Variants in BCAS3 observed in about 807,000 individuals in gnomAD.
The protein encoded by BCAS3 is BCAS4/BCAS3 fusion.
Under a neutral mutation model 116.1 loss-of-function variants are expected in BCAS3, and 53 were observed. The ratio of observed to expected loss-of-function variants is 0.46; its 90% confidence interval spans 0.37 to 0.57. BCAS3 has a LOEUF of 0.57. Ranked by LOEUF, BCAS3 falls within the 20% of genes least tolerant of loss-of-function variation. The pLI, the probability that BCAS3 is intolerant of heterozygous loss-of-function variation, is 0.00. For synonymous variants in BCAS3, 391 were observed against 408.2 expected (o/e 0.96, Z 0.51); for missense variants, 917 against 1,165.4 (o/e 0.79, Z 3.10).
In BCAS3 at chr17:61,034,945, T is replaced by C. The variant is rs16944768; in HGVS notation, c.1762+155T>C. ...ATGTCACTTCTCAACTACTCAAGCC[T>C]AGTCAAGAAGAAAAACTATCCTCTC... is the stretch of plus-strand genomic sequence containing the variant. On this transcript the variant is annotated intron_variant, in intron 17 of 23. Coordinates refer to ENST00000407086, the MANE Select transcript of BCAS3 (RefSeq NM_017679.5). The surrounding 1 kb of genome is among the most constrained non-coding windows in gnomAD (Gnocchi z 5.0). Among the ~76,000 whole-genome samples the C allele has an allele frequency of 0.1, 15,559 of 152,154 alleles. 2,411 individuals are homozygous for C. The highest frequency in any genetic ancestry group is 0.34 in the African/African-American group (14,044 of 41,402).
intron 6 of BCAS3, among the ~76,000 whole-genome samples, chr17:60,769,815 C>T (rs1034669322): frequency 7.9e-5 from 12 of 151,904 alleles, no homozygotes; most frequent in African/African-American, 2.9e-4. Context: ...CACCCTTTCG[C>T]CCAGGCTGGA....
chr17:61,126,239 C>T lies in BCAS3; in HGVS notation c.2425+41675C>T, dbSNP rs2076039597. On this transcript the variant is annotated intron_variant, in intron 22 of 23. Transcript: ENST00000407086. This position sits in a 1 kb window ranked among gnomAD's most constrained non-coding sequence, Gnocchi z 4.6. ...GTTTAATTCATTAGAATTGTGTGTG[C>T]GTTGTGGCATGTGGGTACATCAGAA... is the stretch of plus-strand genomic sequence containing the variant. 6.6e-6 allele frequency among the ~76,000 whole-genome samples: 1 copy of T among 152,006 alleles called. No individual in the cohort carries two copies. Among genetic ancestry groups the T allele is most frequent in the South Asian group, 2.1e-4 (1 of 4,834 alleles).
intron 22 of BCAS3, among the ~76,000 whole-genome samples, chr17:61,187,521 C>T (rs897079194): frequency 3.5e-4 from 53 of 152,212 alleles, no homozygotes; most frequent in African/African-American, 1.1e-3. Context: ...CAGTTTTACC[C>T]CCTTACCTTC....
At chr17:60,831,472 G>A (rs118149989) in intron 7 of BCAS3, among the ~76,000 whole-genome samples, 5 of 152,244 alleles carry the variant, frequency 3.3e-5, no homozygotes, top group East Asian at 1.9e-4. Context: ...CCACTGCACC[G>A]ACCTATGTTA....
intron 22 of BCAS3, among the ~76,000 whole-genome samples, chr17:61,250,124 C>A (rs1259955095): frequency 1.3e-5 from 2 of 152,182 alleles, no homozygotes; most frequent in East Asian, 3.9e-4. Context: ...AGTTCATACC[C>A]TGGGCCCAGT....
At position 61,365,735 on chromosome 17, in the gene BCAS3, A is replaced by G. The variant is rs1473453651; in HGVS notation, c.2426-2592A>G. On this transcript the variant is annotated intron_variant, in intron 22 of 23. Transcript: ENST00000407086. The surrounding 1 kb of genome is among the most constrained non-coding windows in gnomAD (Gnocchi z 4.6). Reference sequence around the variant, plus strand: ...GACCTCTGAACACAGTAATGCAAACATTAACTGAGCTCCTTTCTAGAGACA... The same window carrying G: ...GACCTCTGAACACAGTAATGCAAACGTTAACTGAGCTCCTTTCTAGAGACA... Among the ~76,000 whole-genome samples the G allele has an allele frequency of 6.6e-6, 1 of 152,212 alleles. No homozygotes were observed. Among genetic ancestry groups the G allele is most frequent in the Non-Finnish European group, 1.5e-5 (1 of 68,032 alleles).
intron 19 of BCAS3, among the ~76,000 whole-genome samples, chr17:61,067,553 C>T (rs1776440394): frequency 6.7e-6 from 1 of 149,064 alleles, no homozygotes; most frequent in Admixed American, 6.7e-5. Flanking sequence ...CCCACCTCTA[C>T]TAAAAATACA....
chr17:61,164,354 C>A (rs1055159638), intron 22 of BCAS3, among the ~76,000 whole-genome samples: 10 of 151,950 alleles, frequency 6.6e-5, no homozygotes, highest in African/African-American at 2.4e-4. Flanking sequence ...GAGGTGGGAC[C>A]TTTAAGAGGT....
chr17:60,787,419 A>G (rs551049676), intron 6 of BCAS3, among the ~76,000 whole-genome samples: 1 of 152,266 alleles, frequency 6.6e-6, no homozygotes, highest in Admixed American at 6.5e-5. Context: ...AGTATATTTC[A>G]TTATATGAAT....
intron 23 of BCAS3, among the ~76,000 whole-genome samples, chr17:61,386,957 T>C (rs1315634787): frequency 1.3e-5 from 2 of 152,192 alleles, no homozygotes; most frequent in Non-Finnish European, 2.9e-5. Flanking sequence ...CTTTTAATTT[T>C]TGGACACGGT....
chr17:61,009,984 G>A (rs527705256), intron 15 of BCAS3, among the ~76,000 whole-genome samples: 3 of 151,646 alleles, frequency 2.0e-5, no homozygotes, highest in East Asian at 3.9e-4. Flanking sequence ...TTTCCTTGTA[G>A]CATCTGTGTT....
In BCAS3 at chr17:61,124,375, A is replaced by G. The variant is rs1015148515; in HGVS notation, c.2425+39811A>G. ...TTACTTGATCTGAATTTGTCAGTCT[A>G]TAAAAGTAGGGATTATAATATAACA... is the stretch of plus-strand genomic sequence containing the variant. On this transcript the variant is annotated intron_variant, in intron 22 of 23. Coordinates refer to ENST00000407086, the MANE Select transcript of BCAS3 (RefSeq NM_017679.5). The surrounding 1 kb of genome is among the most constrained non-coding windows in gnomAD (Gnocchi z 4.6). Among the ~76,000 whole-genome samples the G allele has an allele frequency of 3.3e-5, 5 of 152,088 alleles. No homozygotes were observed. Among genetic ancestry groups the G allele is most frequent in the African/African-American group, 4.8e-5 (2 of 41,418 alleles).
chr17:61,208,976 CTGGT>C lies in BCAS3; in HGVS notation c.2425+124418_2425+124421del, dbSNP rs200809139. Among the ~76,000 whole-genome samples the C allele has an allele frequency of 4.9e-3, 743 of 152,130 alleles. 18 individuals carry two copies. Among genetic ancestry groups the C allele is most frequent in the Admixed American group, 0.034 (525 of 15,270 alleles). On this transcript the variant is annotated intron_variant, in intron 22 of 23. Coordinates refer to ENST00000407086, the MANE Select transcript of BCAS3 (RefSeq NM_017679.5). This position sits in a 1 kb window ranked among gnomAD's most constrained non-coding sequence, Gnocchi z 4.5. ...GCAAAAGACACTCAGAATTATACCT[CTGGT>C]TGGTTCAAAATTGCTTAAATGTTGA...
At chr17:60,918,257 G>C (rs2058877059) in intron 12 of BCAS3, among the ~76,000 whole-genome samples, 1 of 152,122 alleles carries the variant, frequency 6.6e-6, no homozygotes, top group Non-Finnish European at 1.5e-5. Context: ...AAGGAATAGT[G>C]ATGTTAAGCC....
At chr17:60,764,462 T>C (rs1478720471) in intron 6 of BCAS3, among the ~76,000 whole-genome samples, 1 of 152,228 alleles carries the variant, frequency 6.6e-6, no homozygotes, top group African/African-American at 2.4e-5. Context: ...TACCCAGTAG[T>C]CATTCAGGAG....
Position 60,820,156 on chromosome 17 carries a change from T to C in BCAS3, c.476+12080T>C, listed in dbSNP as rs1354833889. ...CACGATCTTGGCTCACTGCAAGCTC[T>C]GCCTCCCGGGTTCATGCCATTCTGC... On this transcript the variant is annotated intron_variant, in intron 7 of 23. Coordinates refer to ENST00000407086, the MANE Select transcript of BCAS3 (RefSeq NM_017679.5). Among the ~76,000 whole-genome samples, 7 of 151,878 alleles carry C rather than the reference T, an allele frequency of 4.6e-5. No homozygotes were observed. The East Asian group carries it at 7.7e-4, about 17-fold the overall frequency.
intron 13 of BCAS3, among the ~76,000 whole-genome samples, chr17:60,930,942 A>C (rs1292870564): frequency 1.8e-4 from 27 of 152,196 alleles, no homozygotes; most frequent in Non-Finnish European, 8.8e-5. Context: ...AGGTTGGTTG[A>C]CTGGGTGGCA....
intron 2 of BCAS3, among the ~76,000 whole-genome samples, chr17:60,683,316 A>G (rs2033464410): frequency 6.6e-6 from 1 of 152,092 alleles, no homozygotes; most frequent in African/African-American, 2.4e-5. Flanking sequence ...GGAAGGTCCT[A>G]CCTTAGGTCT....
chr17:61,203,445 C>T lies in BCAS3; in HGVS notation c.2425+118881C>T, dbSNP rs745674050. On this transcript the variant is annotated intron_variant, in intron 22 of 23. Transcript: ENST00000407086. The surrounding 1 kb of genome is among the most constrained non-coding windows in gnomAD (Gnocchi z 5.7). ...TGCTGGTATCACAGGTGTGAGCCAC[C>T]GCGCCTGGGCTTCATTACAATTTTT... Among the ~76,000 whole-genome samples the T allele has an allele frequency of 2.6e-5, 4 of 152,120 alleles. No individual in the cohort carries two copies. The highest frequency in any genetic ancestry group is 6.5e-5 in the Admixed American group (1 of 15,272).
Sources: allele counts gnomAD v4.1 joint callset (sites outside exome capture counted in the v4.1 genomes callset), GRCh38; gene constraint gnomAD v4.1.1; non-coding constraint Gnocchi (gnomAD v3.1); transcripts MANE v1.5; gene names NCBI Gene and HGNC (gene_info 2026-07-23, HGNC 2026-07-21).